CDH5: variants seen among roughly 807,000 people sequenced by gnomAD.
The protein encoded by CDH5 is cadherin 5.
In CDH5, 28 loss-of-function variants were observed where a neutral mutation model predicts 62.0. The ratio of observed to expected loss-of-function variants is 0.45; its 90% CI spans 0.33 to 0.62. The LOEUF is 0.62. CDH5 is among the 20% of genes least tolerant of loss of function. The pLI is 0.02. For synonymous variants in CDH5, 464 were observed against 445.8 expected (o/e 1.04, Z -0.52); for missense variants, 940 against 1,065.1 (o/e 0.88, Z 1.63).
At chr16:66,367,382 G>A (rs920832020) in intron 1 of CDH5, among the ~76,000 whole-genome samples, 1 of 152,172 alleles carries the variant, frequency 6.6e-6, no homozygotes, top group Non-Finnish European at 1.5e-5. Flanking sequence ...AAACACCATC[G>A]GGGCCCACTA....
At chr16:66,372,706 C>A (rs1044495997) in intron 1 of CDH5, among the ~76,000 whole-genome samples, 2 of 152,162 alleles carry the variant, frequency 1.3e-5, no homozygotes, top group Non-Finnish European at 2.9e-5. Flanking sequence ...ACCCCAGAGG[C>A]CTCTGCGGTC....
rs531080363 is a variant in CDH5, at chr16:66,367,461, G to C, written c.-20+703G>C. On this transcript the variant is annotated intron_variant, in intron 1 of 11. Coordinates refer to ENST00000341529, the MANE Select transcript of CDH5 (RefSeq NM_001795.5). ...CCCACCAGCACCCTTTCAAAGGCTAGAGCATAAGAGCCCCAAGGCCCCCAC... is the reference window on the plus strand; with the variant it reads ...CCCACCAGCACCCTTTCAAAGGCTACAGCATAAGAGCCCCAAGGCCCCCAC... 1.7e-3 allele frequency among the ~76,000 whole-genome samples: 266 copies of C among 152,300 alleles called. 2 individuals are homozygous for C. Among genetic ancestry groups the C allele is most frequent in the African/African-American group, 6.2e-3 (256 of 41,566 alleles).
intron 1 of CDH5, among the ~76,000 whole-genome samples, chr16:66,373,528 GC>G (rs1176893164): frequency 6.6e-6 from 1 of 151,574 alleles, no homozygotes; most frequent in Non-Finnish European, 1.5e-5. Context: ...CGATTCTCGT[GC>G]CTCAGCCTCC....
chr16:66,380,227 G>A (rs1009208736), intron 2 of CDH5, among the ~76,000 whole-genome samples: 1 of 140,748 alleles, frequency 7.1e-6, no homozygotes, highest in Non-Finnish European at 1.5e-5. Context: ...TGGTGGTGAT[G>A]ATAAAGGGGT....
intron 1 of CDH5, among the ~76,000 whole-genome samples, chr16:66,378,941 C>G (rs1255281138): frequency 6.6e-6 from 1 of 152,146 alleles, no homozygotes; most frequent in African/African-American, 2.4e-5. Flanking sequence ...TATGGGCGAT[C>G]GGTCAGAGTG....
chr16:66,390,534 G>T lies in CDH5; in HGVS notation c.913G>T (p.Ala305Ser). 1 of 1,614,120 alleles carries T rather than the reference G, an allele frequency of 6.2e-7. No individual in the cohort carries two copies. Among genetic ancestry groups the T allele is most frequent in the Non-Finnish European group, 8.5e-7 (1 of 1,180,012 alleles). ...CATCTTGCGGGGCGACTACCAGGAC[G>T]CTTTCACCATTGAGACAAACCCCGC... The part of the protein sequence containing the change: ...YSILRGDYQD[A>S]FTIETNPAHN... The change falls in exon 6 of 12, where the codon GCT becomes TCT. Residue 305 changes from alanine to serine, a missense_variant. Coordinates refer to ENST00000341529, the MANE Select transcript of CDH5 (RefSeq NM_001795.5).
chr16:66,369,808 C>A (rs1161837967), intron 1 of CDH5, among the ~76,000 whole-genome samples: 1 of 151,898 alleles, frequency 6.6e-6, no homozygotes, highest in Non-Finnish European at 1.5e-5. Context: ...TGAACTCAGC[C>A]CCTGAATCCT....
At chr16:66,376,572 C>A (rs1596928344) in intron 1 of CDH5, 1 of 152,176 alleles carries the variant, frequency 6.6e-6, no homozygotes. Flanking sequence ...CCAACCACTG[C>A]CTGCACAGAG....
At chr16:66,398,609 G>A in intron 10 of CDH5, 48 bp downstream of exon 10, 1 of 975,162 alleles carries the variant, frequency 1.0e-6, no homozygotes, top group Non-Finnish European at 1.7e-6. Context: ...ACCCACACCT[G>A]TAGTCTCAGC....
chr16:66,391,145 C>T (rs189796058), intron 6 of CDH5, among the ~76,000 whole-genome samples: 1 of 152,142 alleles, frequency 6.6e-6, no homozygotes, highest in African/African-American at 2.4e-5. Flanking sequence ...ATAAAAAATG[C>T]CTCTGGAATG....
At chr16:66,370,521 G>A (rs1315904651) in intron 1 of CDH5, among the ~76,000 whole-genome samples, 1 of 152,186 alleles carries the variant, frequency 6.6e-6, no homozygotes, top group Non-Finnish European at 1.5e-5. Flanking sequence ...TGTGAGTGGG[G>A]AAGGAGTGGG....
intron 4 of CDH5, among the ~76,000 whole-genome samples, chr16:66,388,899 T>C (rs1961031869): frequency 2.0e-5 from 3 of 152,182 alleles, no homozygotes; most frequent in Admixed American, 2.0e-4. Context: ...TTAGATCATG[T>C]ATAAAGGCAG....
chr16:66,367,130 G>A (rs1369144136), intron 1 of CDH5, among the ~76,000 whole-genome samples: 2 of 152,230 alleles, frequency 1.3e-5, no homozygotes, highest in East Asian at 1.9e-4. Context: ...CCAGGCCTTG[G>A]CCTCCCCTCG....
At position 66,404,031 on chromosome 16, in the gene CDH5, G is replaced by A. The variant is rs1489976936; in HGVS notation, c.*862G>A. On this transcript the variant is annotated 3_prime_UTR_variant, in exon 12 of 12. Coordinates refer to ENST00000341529, the MANE Select transcript of CDH5 (RefSeq NM_001795.5). ...CCTCAGCACCCCTCCAGTTTTGCCT[G>A]AGAAGGGGCAGATGTTCCCGGAGCA... The A allele has an allele frequency of 6.6e-6, 1 of 152,512 alleles. No homozygotes were observed. Among genetic ancestry groups the A allele is most frequent in the South Asian group, 2.1e-4 (1 of 4,838 alleles). The allele number at this position is 152,512 out of a possible 1,614,324, so 9.4% of individuals were successfully genotyped here.
intron 2 of CDH5, among the ~76,000 whole-genome samples, chr16:66,382,837 A>C (rs1306474274): frequency 6.6e-6 from 1 of 152,186 alleles, no homozygotes; most frequent in African/African-American, 2.4e-5. Flanking sequence ...CCTGTTTATC[A>C]AGGTCAGAGC....
At position 66,389,295 on chromosome 16, in the gene CDH5, G is replaced by A. The variant is rs879191860; in HGVS notation, c.617-63G>A. On this transcript the variant is annotated intron_variant, in intron 4 of 11. Coordinates refer to ENST00000341529, the MANE Select transcript of CDH5 (RefSeq NM_001795.5). ...CTTAAGTCAGGTTCTCTCTGGGCAG[G>A]CCCTAGGCATCGGTATTTTCTAGAA... 6.7e-5 allele frequency: 102 copies of A among 1,525,458 alleles called. 1 individual carries two copies. In the South Asian group the frequency reaches 1.2e-3, roughly 18 times the overall value. The allele number at this position is 1,525,458 out of a possible 1,614,324, so 94.5% of individuals were successfully genotyped here. A position where few individuals can be genotyped will look rare whatever the true frequency, so the allele number is the denominator to read the frequency against.
intron 1 of CDH5, among the ~76,000 whole-genome samples, chr16:66,378,635 G>A (rs933667552): frequency 1.1e-4 from 16 of 152,136 alleles, no homozygotes; most frequent in African/African-American, 3.6e-4. Flanking sequence ...AATGCCTGGG[G>A]ACTTAGGAGC....
At chr16:66,375,911 A>C (rs1960777542) in intron 1 of CDH5, among the ~76,000 whole-genome samples, 1 of 151,908 alleles carries the variant, frequency 6.6e-6, no homozygotes, top group Non-Finnish European at 1.5e-5. Flanking sequence ...GTTTGAGACC[A>C]ACCTGGCCAA....
chr16:66,370,001 T>C (rs1260881078), intron 1 of CDH5, among the ~76,000 whole-genome samples: 2 of 152,070 alleles, frequency 1.3e-5, no homozygotes, highest in Non-Finnish European at 2.9e-5. Flanking sequence ...TGTTTGTTTG[T>C]TTGTTTGTTT....
Sources: allele counts gnomAD v4.1 joint callset (sites outside exome capture counted in the v4.1 genomes callset), GRCh38; gene constraint gnomAD v4.1.1; transcripts MANE v1.5; gene names NCBI Gene and HGNC (gene_info 2026-07-23, HGNC 2026-07-21).